The following AGBL4 variants were observed in gnomAD, a reference collection of about 807,000 sequenced individuals.
AGBL4 encodes the protein AGBL carboxypeptidase 4.
In AGBL4, 58 loss-of-function variants were observed where a neutral mutation model predicts 66.4. The observed-to-expected ratio is 0.87, with a 90% CI of 0.71 to 1.09. The LOEUF (loss-of-function observed/expected upper bound fraction) is 1.09, where lower values mean the gene tolerates loss of function less well. Among genes scored for constraint, AGBL4 ranks in the 50% least tolerant of loss-of-function variants. AGBL4 has a pLI of 0.00. For missense variants in AGBL4, 579 were observed against 631.0 expected, an observed-to-expected ratio of 0.92 and a Z score of 0.88; for synonymous variants, 234 against 222.9, an observed-to-expected ratio of 1.05 and a Z score of -0.44.
chr1:49,193,185 T>A (rs1229699297), intron 4 of AGBL4, among the ~76,000 whole-genome samples: 1 of 152,128 alleles, frequency 6.6e-6, no homozygotes, highest in East Asian at 1.9e-4. Flanking sequence ...CTCTGTATTT[T>A]TTTGGTCCCA....
intron 3 of AGBL4, among the ~76,000 whole-genome samples, chr1:49,333,884 T>C (rs1645383300): frequency 6.6e-6 from 1 of 152,136 alleles, no homozygotes; most frequent in Admixed American, 6.5e-5. Flanking sequence ...TATAAAACCC[T>C]ATCATAAAAT....
At chr1:48,977,275 A>G (rs906731323) in intron 5 of AGBL4, among the ~76,000 whole-genome samples, 4 of 152,162 alleles carry the variant, frequency 2.6e-5, no homozygotes, top group African/African-American at 9.7e-5. Flanking sequence ...TGTAAAATAA[A>G]AATTGGTGTC....
At chr1:49,529,302 A>G (rs1395331883) in intron 3 of AGBL4, among the ~76,000 whole-genome samples, 1 of 152,276 alleles carries the variant, frequency 6.6e-6, no homozygotes, top group Non-Finnish European at 1.5e-5. Context: ...ATTTGAAAAG[A>G]CTATTTTATT....
chr1:48,737,460 G>GC (rs2148580467), intron 6 of AGBL4, among the ~76,000 whole-genome samples: 1 of 152,266 alleles, frequency 6.6e-6, no homozygotes, highest in South Asian at 2.1e-4. Context: ...TTGGAGTAGG[G>GC]CTGTGCCAGT....
the AGBL4 span, among the ~76,000 whole-genome samples, chr1:48,526,795 TATG>T: frequency 6.6e-6 from 1 of 152,190 alleles, no homozygotes; most frequent in South Asian, 2.1e-4. Context: ...CAACAATTGT[TATG>T]ATGTTTATTG....
intron 1 of AGBL4, among the ~76,000 whole-genome samples, chr1:49,913,028 C>A (rs765272830): frequency 3.9e-5 from 6 of 152,212 alleles, no homozygotes; most frequent in Non-Finnish European, 8.8e-5. Context: ...AGGGGACATT[C>A]AAACCATAGC....
intron 3 of AGBL4, among the ~76,000 whole-genome samples, chr1:49,608,495 C>T (rs1400448338): frequency 6.6e-6 from 1 of 152,148 alleles, no homozygotes; most frequent in Non-Finnish European, 1.5e-5. Flanking sequence ...CCAGTCCCAT[C>T]CAGGCCTTAG....
intron 6 of AGBL4, among the ~76,000 whole-genome samples, chr1:48,812,421 C>T (rs916210396): frequency 4.6e-5 from 7 of 152,154 alleles, no homozygotes; most frequent in African/African-American, 1.7e-4. Context: ...CCCCCACCTG[C>T]TCCTGGACAA....
chr1:49,374,043 T>C (rs561753926), intron 3 of AGBL4, among the ~76,000 whole-genome samples: 1 of 152,228 alleles, frequency 6.6e-6, no homozygotes, highest in East Asian at 1.9e-4. Flanking sequence ...CTATCTGATA[T>C]TGAGTACTAC....
chr1:49,952,609 G>A (rs986333716), intron 1 of AGBL4, among the ~76,000 whole-genome samples: 4 of 151,846 alleles, frequency 2.6e-5, no homozygotes, highest in Admixed American at 6.6e-5. Context: ...TGACTCCAAA[G>A]CTCATATTCT....
At chr1:49,236,810 A>G (rs943592594) in intron 4 of AGBL4, among the ~76,000 whole-genome samples, 4 of 152,024 alleles carry the variant, frequency 2.6e-5, no homozygotes, top group African/African-American at 9.7e-5. Context: ...ATAGTCAGTG[A>G]TATGGTTTGG....
intron 3 of AGBL4, among the ~76,000 whole-genome samples, chr1:49,260,713 G>A (rs991192808): frequency 6.6e-6 from 1 of 152,006 alleles, no homozygotes; most frequent in Non-Finnish European, 1.5e-5. Flanking sequence ...ATTCACAGCC[G>A]AATTCTACCA....
rs183493078 is a variant in AGBL4, at chr1:48,750,083, A to G, written c.635-86842T>C. Reference sequence around the variant, plus strand: ...CCCAACAAATCAATCCATGACCCTGACCTCTGCTGATACTCCCTTCAGGCC... The same window carrying G: ...CCCAACAAATCAATCCATGACCCTGGCCTCTGCTGATACTCCCTTCAGGCC... On this transcript the variant is annotated intron_variant, in intron 6 of 13. Coordinates refer to ENST00000371839, the MANE Select transcript of AGBL4 (RefSeq NM_032785.4). 3.5e-3 allele frequency among the ~76,000 whole-genome samples: 525 copies of G among 152,140 alleles called. 2 individuals are homozygous for G. Among genetic ancestry groups the G allele is most frequent in the Non-Finnish European group, 5.9e-3 (403 of 67,988 alleles).
At chr1:49,281,648 T>C (rs566581061) in intron 3 of AGBL4, among the ~76,000 whole-genome samples, 2 of 152,334 alleles carry the variant, frequency 1.3e-5, no homozygotes, top group South Asian at 4.1e-4. Flanking sequence ...TTTGGCTTTG[T>C]CCTCAGTTTC....
chr1:49,399,563 T>C (rs1057210474), intron 3 of AGBL4, among the ~76,000 whole-genome samples: 2 of 152,140 alleles, frequency 1.3e-5, no homozygotes, highest in Non-Finnish European at 2.9e-5. Flanking sequence ...GATATCTCAT[T>C]GTAGTTTTTA....
At chr1:48,759,114 C>A in intron 6 of AGBL4, 1 of 1,612,220 alleles carries the variant, frequency 6.2e-7, no homozygotes, top group Non-Finnish European at 8.5e-7. Flanking sequence ...CCCGGGGCAC[C>A]ACAGCATCTT....
At chr1:49,525,810 G>A (rs914465189) in intron 3 of AGBL4, among the ~76,000 whole-genome samples, 5 of 151,904 alleles carry the variant, frequency 3.3e-5, no homozygotes, top group Admixed American at 6.6e-5. Flanking sequence ...CCTCTGCACC[G>A]GGCACAGTGG....
intron 1 of AGBL4, among the ~76,000 whole-genome samples, chr1:49,983,234 C>T (rs765319319): frequency 6.6e-6 from 1 of 152,248 alleles, no homozygotes; most frequent in Non-Finnish European, 1.5e-5. Context: ...CTTAGGAGCT[C>T]TCCAAACCAG....
chr1:49,749,679 T>C (rs1394723150), intron 2 of AGBL4, among the ~76,000 whole-genome samples: 3 of 152,098 alleles, frequency 2.0e-5, no homozygotes, highest in African/African-American at 7.2e-5. Context: ...AAACACAGGA[T>C]ACCTAGAAAT....
Sources: allele counts gnomAD v4.1 joint callset (sites outside exome capture counted in the v4.1 genomes callset), GRCh38; gene constraint gnomAD v4.1.1; transcripts MANE v1.5; gene names NCBI Gene and HGNC (gene_info 2026-07-23, HGNC 2026-07-21).